Variants in MYO18B observed in about 807,000 individuals in gnomAD.
MYO18B encodes the protein myosin XVIIIB.
In MYO18B, 204 loss-of-function variants were observed where a neutral mutation model predicts 273.0. That is an observed-to-expected ratio of 0.75 (90% CI 0.67 to 0.84). The LOEUF is 0.84. MYO18B is among the 40% of genes least tolerant of loss of function. MYO18B has a pLI of 0.00. For synonymous variants in MYO18B, 1,330 were observed against 1,305.7 expected, an observed-to-expected ratio of 1.02 and a Z score of -0.40; for missense variants, 3,212 against 3,287.6, an observed-to-expected ratio of 0.98 and a Z score of 0.56.
At chr22:25,865,395 A>G (rs2090856984) in intron 21 of MYO18B, among the ~76,000 whole-genome samples, 1 of 152,230 alleles carries the variant, frequency 6.6e-6, no homozygotes, top group African/African-American at 2.4e-5. Flanking sequence ...AGTCTCAGTT[A>G]TGGTGGGTTG....
At chr22:25,857,512 T>C (rs1332018887) in intron 21 of MYO18B, among the ~76,000 whole-genome samples, 1 of 152,184 alleles carries the variant, frequency 6.6e-6, no homozygotes, top group Admixed American at 6.5e-5. Context: ...GAAGAAACCC[T>C]TATGAGCCCA....
In MYO18B at chr22:25,947,535, CACACA is replaced by C. The variant is rs1569223370; in HGVS notation, c.5632-176_5632-172del. Among the ~76,000 whole-genome samples the C allele has an allele frequency of 8.2e-4, 119 of 144,506 alleles. 1 individual carries two copies. In the South Asian group the frequency reaches 0.018, roughly 22 times the overall value. 94.8% of individuals were successfully genotyped at this position (144,506 alleles called of 152,430 possible). On this transcript the variant is annotated intron_variant, in intron 35 of 43. Coordinates refer to ENST00000335473, the MANE Select transcript of MYO18B (RefSeq NM_032608.7). The stretch of plus-strand genomic sequence containing the variant: ...ACACACACACACACACACACACACA[CACACA>C]CACCAAGCTGTTATACCTACCACAT...
chr22:25,828,775 G>T lies in MYO18B; in HGVS notation c.2787-1G>T, dbSNP rs1601820771. On this transcript the variant is annotated splice_acceptor_variant, in intron 14 of 43. Transcript: ENST00000335473. LOFTEE classifies it high-confidence loss of function. ...ATTCCACCTCTCTCTTCTCTCCCTA[G>T]ATCCTTTTCCTCCCACCATCTCTCC... is the stretch of plus-strand genomic sequence containing the variant. 3.7e-6 allele frequency: 6 copies of T among 1,612,846 alleles called. No individual in the cohort carries two copies. In the East Asian group the frequency reaches 1.1e-4, roughly 30 times the overall value.
rs747960247 is a variant in MYO18B at position 26,027,579 on chromosome 22, T to C, written c.7605T>C (p.Gly2535=). The change falls in exon 43 of 44, where the codon GGT becomes GGC. Residue 2535 remains glycine (G), a synonymous_variant. Coordinates refer to ENST00000335473, the MANE Select transcript of MYO18B (RefSeq NM_032608.7). The surrounding 1 kb of genome is among the most constrained non-coding windows in gnomAD (Gnocchi z 4.1). ...GACCAGGAATCCCACGACTTGCGGG[T>C]GACGGTGGCGAGCGAACGTCCCCCG... ...KSRPGIPRLA[G]DGGERTSPER... The C allele has an allele frequency of 1.2e-4, 196 of 1,613,720 alleles. No homozygotes were observed. Among genetic ancestry groups the C allele is most frequent in the Non-Finnish European group, 8.1e-5 (95 of 1,179,878 alleles).
chr22:25,763,814 T>C (rs1367657235), intron 3 of MYO18B, among the ~76,000 whole-genome samples: 2 of 152,344 alleles, frequency 1.3e-5, no homozygotes, highest in Non-Finnish European at 1.5e-5. Flanking sequence ...ATGATATTCA[T>C]TGATGCATGG....
intron 39 of MYO18B, among the ~76,000 whole-genome samples, chr22:25,956,810 C>G (rs553385074): frequency 1.3e-5 from 2 of 152,180 alleles, no homozygotes; most frequent in African/African-American, 4.8e-5. Context: ...CCTGCATTAT[C>G]CGCTCTGGTG....
intron 34 of MYO18B, among the ~76,000 whole-genome samples, chr22:25,941,487 G>C (rs546897510): frequency 2.0e-5 from 3 of 152,316 alleles, no homozygotes; most frequent in Admixed American, 2.0e-4. Flanking sequence ...AGGCGAGTCT[G>C]GCCAGTGTTG....
intron 33 of MYO18B, among the ~76,000 whole-genome samples, chr22:25,913,914 C>T (rs2092210255): frequency 6.6e-6 from 1 of 152,142 alleles, no homozygotes; most frequent in African/African-American, 2.4e-5. Context: ...TCTTAAGATA[C>T]TGTTCTTTGA....
chr22:26,054,827 C>G, the MYO18B span, among the ~76,000 whole-genome samples: 3 of 152,158 alleles, frequency 2.0e-5, no homozygotes, highest in Non-Finnish European at 4.4e-5. Context: ...ACTGTGGAAC[C>G]TTAGTCCAGA....
intron 14 of MYO18B, among the ~76,000 whole-genome samples, chr22:25,827,901 G>A (rs574441897): frequency 6.6e-6 from 1 of 152,308 alleles, no homozygotes; most frequent in Admixed American, 6.5e-5. Flanking sequence ...CACCTAGTAG[G>A]TGTCTGTCTT....
At chr22:25,783,176 A>T (rs2087235706) in intron 10 of MYO18B, among the ~76,000 whole-genome samples, 1 of 152,154 alleles carries the variant, frequency 6.6e-6, no homozygotes, top group Non-Finnish European at 1.5e-5. Context: ...GATACCCCTG[A>T]CAGGCCCTGA....
At chr22:25,962,618 A>G (rs2092930091) in intron 39 of MYO18B, among the ~76,000 whole-genome samples, 1 of 152,214 alleles carries the variant, frequency 6.6e-6, no homozygotes, top group African/African-American at 2.4e-5. Flanking sequence ...CTCAAGATCT[A>G]GAGGAGGAGA....
intron 17 of MYO18B, among the ~76,000 whole-genome samples, chr22:25,836,317 A>G (rs192846995): frequency 2.4e-4 from 37 of 152,228 alleles, no homozygotes; most frequent in African/African-American, 8.2e-4. Context: ...TTTCTCTAGA[A>G]TTTCTGCTAC....
the MYO18B span, among the ~76,000 whole-genome samples, chr22:26,053,690 G>A: frequency 6.6e-6 from 1 of 152,160 alleles, no homozygotes; most frequent in Admixed American, 6.6e-5. Flanking sequence ...GGTGATCAGG[G>A]CTGGAGTGCA....
the MYO18B span, among the ~76,000 whole-genome samples, chr22:26,061,832 T>C: frequency 6.6e-6 from 1 of 152,122 alleles, no homozygotes; most frequent in African/African-American, 2.4e-5. Context: ...CTGTCAACAT[T>C]TGAATCTTGG....
intron 1 of MYO18B, among the ~76,000 whole-genome samples, chr22:25,752,092 A>G (rs930217869): frequency 6.6e-6 from 1 of 152,096 alleles, no homozygotes; most frequent in South Asian, 2.1e-4. Flanking sequence ...CTCTGCCCAC[A>G]GACTTGCTGC....
intron 1 of MYO18B, among the ~76,000 whole-genome samples, chr22:25,746,813 G>A (rs1180408106): frequency 6.6e-6 from 1 of 152,220 alleles, no homozygotes; most frequent in African/African-American, 2.4e-5. Context: ...TAGCAACACA[G>A]TAGTGGATAG....
chr22:25,851,409 C>T (rs1741814423), intron 20 of MYO18B, 61 bp from the exon 21 acceptor site: 1 of 1,176,882 alleles, frequency 8.5e-7, no homozygotes, highest in African/African-American at 1.5e-5. Context: ...GTTTAGGGAA[C>T]TGGGCTGGGT....
At chr22:25,845,298 C>A (rs1465518762) in intron 18 of MYO18B, among the ~76,000 whole-genome samples, 3 of 152,198 alleles carry the variant, frequency 2.0e-5, no homozygotes, top group Non-Finnish European at 4.4e-5. Flanking sequence ...GTGGGCAGAT[C>A]ACGAGGTCAA....
Sources: gnomAD v4.1 joint callset for allele counts (sites outside exome capture counted in the v4.1 genomes callset) on GRCh38, gnomAD v4.1.1 for gene constraint, Gnocchi (gnomAD v3.1) non-coding constraint, MANE v1.5 for transcripts, NCBI Gene and HGNC (gene_info 2026-07-23, HGNC 2026-07-21) for gene names.